Variants in KCNH7 observed in about 807,000 individuals in gnomAD.
The protein encoded by KCNH7 is potassium voltage-gated channel subfamily H member 7, also known as voltage-gated inwardly rectifying potassium channel KCNH7.
Under a neutral mutation model 120.8 loss-of-function variants are expected in KCNH7, and 49 were observed. The ratio of observed to expected loss-of-function variants is 0.41; its 90% CI spans 0.32 to 0.51. The LOEUF (loss-of-function observed/expected upper bound fraction) is 0.51, where lower values mean the gene tolerates loss of function less well. KCNH7 is among the 20% of genes least tolerant of loss of function. KCNH7 has a pLI of 0.38. For synonymous variants in KCNH7, 547 were observed against 516.1 expected, an observed-to-expected ratio of 1.06 and a Z score of -0.81; for missense variants, 1,097 against 1,446.6, an observed-to-expected ratio of 0.76 and a Z score of 3.92.
intron 2 of KCNH7, among the ~76,000 whole-genome samples, chr2:162,599,234 A>AAAAAAG (rs374895368): frequency 4.6e-5 from 7 of 151,828 alleles, no homozygotes; most frequent in Admixed American, 6.6e-5. Flanking sequence ...AATAAAAAGA[A>AAAAAAG]AAAAAGAAAA....
chr2:162,823,579 G>A (rs2105598539), intron 2 of KCNH7, among the ~76,000 whole-genome samples: 1 of 152,244 alleles, frequency 6.6e-6, no homozygotes, highest in South Asian at 2.1e-4. Context: ...GCCCTGCCTG[G>A]TTATACTATA....
chr2:162,729,258 C>T lies in KCNH7; in HGVS notation c.307+107279G>A, dbSNP rs543873914. Among the ~76,000 whole-genome samples the T allele has an allele frequency of 3.7e-3, 556 of 151,500 alleles. 5 individuals carry two copies. Among genetic ancestry groups the T allele is most frequent in the African/African-American group, 0.012 (487 of 41,226 alleles). Reference sequence around the variant, plus strand: ...TCAGCTCACTGCAAGCTCCACCTCCCGGGTTCCCGCCATTCTCCTGCCTCA... The same window carrying T: ...TCAGCTCACTGCAAGCTCCACCTCCTGGGTTCCCGCCATTCTCCTGCCTCA... On this transcript the variant is annotated intron_variant, in intron 2 of 15. Coordinates refer to ENST00000332142, the MANE Select transcript of KCNH7 (RefSeq NM_033272.4).
At chr2:162,776,250 G>A (rs1683233400) in intron 2 of KCNH7, among the ~76,000 whole-genome samples, 1 of 152,096 alleles carries the variant, frequency 6.6e-6, no homozygotes, top group South Asian at 2.1e-4. Context: ...CTGGATGGGA[G>A]GCTTCATGTA....
intron 2 of KCNH7, among the ~76,000 whole-genome samples, chr2:162,783,330 C>T (rs968004006): frequency 3.9e-5 from 6 of 152,084 alleles, no homozygotes; most frequent in African/African-American, 9.7e-5. Flanking sequence ...TTAGTGACTC[C>T]CCCTGCTTGG....
chr2:162,799,136 A>T (rs1684251811), intron 2 of KCNH7, among the ~76,000 whole-genome samples: 1 of 151,960 alleles, frequency 6.6e-6, no homozygotes, highest in Admixed American at 6.6e-5. Context: ...TTATTTTTTT[A>T]AGTAGTAGGC....
chr2:162,718,504 G>A (rs1281399364), intron 2 of KCNH7, among the ~76,000 whole-genome samples: 1 of 151,928 alleles, frequency 6.6e-6, no homozygotes, highest in East Asian at 1.9e-4. Context: ...TAGAGAACAT[G>A]GTATGAACAA....
chr2:162,433,231 T>C (rs1688127833), intron 8 of KCNH7, among the ~76,000 whole-genome samples: 1 of 152,128 alleles, frequency 6.6e-6, no homozygotes, highest in African/African-American at 2.4e-5. Context: ...TTCAATGCTA[T>C]TCCTACCAAA....
At chr2:162,776,348 G>T (rs1683237201) in intron 2 of KCNH7, among the ~76,000 whole-genome samples, 1 of 152,134 alleles carries the variant, frequency 6.6e-6, no homozygotes, top group South Asian at 2.1e-4. Context: ...GGCCAAATCA[G>T]TTTCTCTCTG....
chr2:162,627,815 TAAG>T (rs750921474), intron 2 of KCNH7, among the ~76,000 whole-genome samples: 6 of 152,168 alleles, frequency 3.9e-5, no homozygotes, highest in Non-Finnish European at 8.8e-5. Flanking sequence ...TTAAAATCTT[TAAG>T]AAGGAAACTA....
chr2:162,537,176 T>C (rs2105826667), intron 2 of KCNH7, 96 bp from the exon 3 acceptor site: 1 of 901,294 alleles, frequency 1.1e-6, no homozygotes, highest in Non-Finnish European at 1.6e-6. Context: ...AGGAAATTTG[T>C]ATCTTAAATG....
At chr2:162,720,042 G>A (rs796703048) in intron 2 of KCNH7, among the ~76,000 whole-genome samples, 18 of 152,088 alleles carry the variant, frequency 1.2e-4, no homozygotes, top group African/African-American at 3.9e-4. Context: ...CTTTATTGCT[G>A]CCTTGAGATA....
chr2:162,821,682 G>A (rs1685125955), intron 2 of KCNH7, among the ~76,000 whole-genome samples: 1 of 152,112 alleles, frequency 6.6e-6, no homozygotes, highest in Non-Finnish European at 1.5e-5. Flanking sequence ...ACTTTAAAAA[G>A]AATCTTGCTT....
chr2:162,632,401 G>A (rs1053148399), intron 2 of KCNH7, among the ~76,000 whole-genome samples: 7 of 151,762 alleles, frequency 4.6e-5, no homozygotes, highest in African/African-American at 1.7e-4. Context: ...TCAAATTTTA[G>A]GATTTAAAAA....
At chr2:162,524,273 G>C (rs1376100177) in intron 3 of KCNH7, among the ~76,000 whole-genome samples, 4 of 152,016 alleles carry the variant, frequency 2.6e-5, no homozygotes, top group Non-Finnish European at 5.9e-5. Flanking sequence ...ATTGAAGCCA[G>C]GGTACCTGGC....
At chr2:162,807,103 A>T (rs1684566398) in intron 2 of KCNH7, among the ~76,000 whole-genome samples, 1 of 151,654 alleles carries the variant, frequency 6.6e-6, no homozygotes, top group Non-Finnish European at 1.5e-5. Context: ...ACTCTTTTGC[A>T]AAAAACAAAA....
chr2:162,387,396 G>C (rs1686605161), intron 12 of KCNH7, among the ~76,000 whole-genome samples: 2 of 151,310 alleles, frequency 1.3e-5, no homozygotes, highest in East Asian at 3.9e-4. Context: ...TTAGCCTCCA[G>C]GTACTTCTAA....
intron 7 of KCNH7, among the ~76,000 whole-genome samples, chr2:162,437,197 T>C (rs1688269373): frequency 6.6e-6 from 1 of 152,160 alleles, no homozygotes; most frequent in African/African-American, 2.4e-5. Flanking sequence ...GGAAAGGGGA[T>C]CCCTTAGTCT....
chr2:162,460,756 G>A (rs1406519824), intron 6 of KCNH7, among the ~76,000 whole-genome samples: 1 of 152,100 alleles, frequency 6.6e-6, no homozygotes, highest in African/African-American at 2.4e-5. Flanking sequence ...CCTAGTTCAT[G>A]GTAGTTTGTT....
intron 2 of KCNH7, among the ~76,000 whole-genome samples, chr2:162,680,310 C>A (rs962708005): frequency 3.3e-5 from 5 of 151,568 alleles, no homozygotes; most frequent in Non-Finnish European, 4.4e-5. Context: ...AACATACAAA[C>A]CGAGTCACAT....
Sources: allele counts gnomAD v4.1 joint callset (sites outside exome capture counted in the v4.1 genomes callset), GRCh38; gene constraint gnomAD v4.1.1; transcripts MANE v1.5; gene names NCBI Gene and HGNC (gene_info 2026-07-23, HGNC 2026-07-21).